Variants in FSTL1 observed in about 807,000 individuals in gnomAD.
FSTL1 encodes the protein follistatin like 1, also known as follistatin-related protein 1.
Under a neutral mutation model 45.9 loss-of-function variants are expected in FSTL1, and 24 were observed. That is an observed-to-expected ratio of 0.52 (90% CI 0.38 to 0.74). FSTL1 has a LOEUF of 0.74. Among genes scored for constraint, FSTL1 ranks in the 30% least tolerant of loss-of-function variants. The pLI is 0.00. For synonymous variants in FSTL1, 120 were observed against 137.6 expected, an observed-to-expected ratio of 0.87 and a Z score of 0.89; for missense variants, 340 against 381.8, an observed-to-expected ratio of 0.89 and a Z score of 0.91.
At chr3:120,402,984 G>A (rs1418535730) in intron 8 of FSTL1, 66 bp from the exon 9 acceptor site, 2 of 1,042,002 alleles carry the variant, frequency 1.9e-6, no homozygotes, top group South Asian at 2.5e-5. Flanking sequence ...CTTTGCTACA[G>A]TCTGTGCACC....
At chr3:120,438,015 G>A (rs1937588706) in intron 2 of FSTL1, among the ~76,000 whole-genome samples, 1 of 152,120 alleles carries the variant, frequency 6.6e-6, no homozygotes, top group Non-Finnish European at 1.5e-5. Flanking sequence ...TTGTTCAGGA[G>A]CCCCTGGATC....
intron 2 of FSTL1, among the ~76,000 whole-genome samples, chr3:120,416,698 T>A (rs1323955668): frequency 6.6e-6 from 1 of 152,204 alleles, no homozygotes; most frequent in African/African-American, 2.4e-5. Context: ...GTGGATTCGC[T>A]ATTTTTGCTA....
In FSTL1 at chr3:120,402,931, A is replaced by C. The variant is rs773003139; in HGVS notation, c.695-13T>G. 6.6e-7 allele frequency: 1 copy of C among 1,514,610 alleles called. No homozygotes were observed. The allele number at this position is 1,514,610 out of a possible 1,614,324, so 93.8% of individuals were successfully genotyped here. A position where few individuals can be genotyped will look rare whatever the true frequency, so the allele number is the denominator to read the frequency against. ...TCCAGGGCACACTCTGTTGGGCCAG[A>C]AATACGGGGCAACAGTTTAGCTGTG... On this transcript the variant is annotated splice_polypyrimidine_tract_variant and intron_variant, in intron 8 of 10. Coordinates refer to ENST00000295633, the MANE Select transcript of FSTL1 (RefSeq NM_007085.5).
intron 2 of FSTL1, among the ~76,000 whole-genome samples, chr3:120,436,014 G>A (rs538470434): frequency 5.5e-4 from 84 of 151,846 alleles, no homozygotes; most frequent in African/African-American, 2.0e-3. Flanking sequence ...ATCCTCAAGC[G>A]CTGGTTGTTT....
chr3:120,402,485 T>A (rs887001188), intron 9 of FSTL1, among the ~76,000 whole-genome samples: 1 of 152,136 alleles, frequency 6.6e-6, no homozygotes, highest in Non-Finnish European at 1.5e-5. Flanking sequence ...TTACTATTTT[T>A]AATTATTATT....
intron 3 of FSTL1, among the ~76,000 whole-genome samples, chr3:120,413,413 T>C (rs1488228452): frequency 6.6e-6 from 1 of 152,150 alleles, no homozygotes; most frequent in Admixed American, 6.5e-5. Context: ...CACATCTAGT[T>C]GTACAATTTT....
At chr3:120,427,382 T>G (rs928857732) in intron 2 of FSTL1, among the ~76,000 whole-genome samples, 2 of 152,248 alleles carry the variant, frequency 1.3e-5, no homozygotes, top group African/African-American at 4.8e-5. Flanking sequence ...ACAAAGATTC[T>G]GTTTGTCCAT....
Position 120,427,174 on chromosome 3 carries a change from CCCTGT to C in FSTL1, c.64-11152_64-11148del, listed in dbSNP as rs1702216251. On this transcript the variant is annotated intron_variant, in intron 2 of 10. Transcript: ENST00000295633. ...TTGTTGTCTGGCTTGCCCAAATTCTCCCTGTCCTTCAAGGCTTGGGTCAAGTTACA... is the reference window on the plus strand; with the variant it reads ...TTGTTGTCTGGCTTGCCCAAATTCTCCCTTCAAGGCTTGGGTCAAGTTACA... Among the ~76,000 whole-genome samples, 2 of 152,018 alleles carry C rather than the reference CCCTGT, an allele frequency of 1.3e-5. 1 individual carries two copies. The highest frequency in any genetic ancestry group is 1.3e-4 in the Admixed American group (2 of 15,286).
intron 9 of FSTL1, among the ~76,000 whole-genome samples, chr3:120,400,274 T>C (rs971397546): frequency 6.6e-6 from 1 of 152,198 alleles, no homozygotes; most frequent in African/African-American, 2.4e-5. Context: ...ACACTGGAGA[T>C]TTCTCTGAGA....
intron 2 of FSTL1, among the ~76,000 whole-genome samples, chr3:120,429,399 G>A (rs1486796199): frequency 1.3e-5 from 2 of 152,226 alleles, no homozygotes; most frequent in Non-Finnish European, 1.5e-5. Context: ...TCCAAATGGG[G>A]ACATTTGAGA....
intron 9 of FSTL1, among the ~76,000 whole-genome samples, chr3:120,400,721 G>T (rs544767030): frequency 2.6e-5 from 4 of 152,256 alleles, no homozygotes; most frequent in African/African-American, 9.6e-5. Flanking sequence ...CTTCTTGCTT[G>T]TCCCATTTTG....
intron 2 of FSTL1, among the ~76,000 whole-genome samples, chr3:120,425,044 G>A (rs1359439776): frequency 6.9e-6 from 1 of 144,808 alleles, no homozygotes; most frequent in Non-Finnish European, 1.6e-5. Context: ...AAAAGGGGGA[G>A]CACAGACAGC....
intron 2 of FSTL1, among the ~76,000 whole-genome samples, chr3:120,430,970 T>C (rs1195748942): frequency 1.3e-5 from 2 of 152,234 alleles, no homozygotes; most frequent in Non-Finnish European, 2.9e-5. Context: ...TAAAATTTTC[T>C]AGTAGGTACA....
Position 120,404,963 on chromosome 3 carries a change from A to G in FSTL1, c.471T>C (p.Asp157=). The G allele has an allele frequency of 6.4e-7, 1 of 1,559,188 alleles. No homozygotes were observed. ...TGGAGTCCAGGCGAGAATCACCATT[A>G]TCAAAGTTCTAGAAAGGGCATGACA... is the stretch of plus-strand genomic sequence containing the variant. ...EILDKYFKNF[D]NGDSRLDSSE... is the part of the protein sequence containing the mutation. Residue 157 remains aspartate (D), a synonymous_variant, in exon 7 of 11, where the codon GAT becomes GAC. Coordinates refer to ENST00000295633, the MANE Select transcript of FSTL1 (RefSeq NM_007085.5).
rs1936690439 is a variant in FSTL1, at chr3:120,395,963, A to T, written c.*989T>A. On this transcript the variant is annotated 3_prime_UTR_variant, in exon 11 of 11. Transcript: ENST00000295633. ...TCTCAGAATAAATAAAAACAAATTA[A>T]TGTTTGGATCTTGAAAGTTTTTTAT... 1 of 293,530 alleles carries T rather than the reference A, an allele frequency of 3.4e-6. No individual in the cohort carries two copies. The highest frequency in any genetic ancestry group is 4.9e-5 in the Admixed American group (1 of 20,280). The allele number at this position is 293,530 out of a possible 1,614,324, so 18.2% of individuals were successfully genotyped here.
intron 3 of FSTL1, among the ~76,000 whole-genome samples, chr3:120,412,825 C>CGT (rs1232025188): frequency 8.6e-5 from 5 of 58,124 alleles, no homozygotes; most frequent in Admixed American, 8.2e-4. Flanking sequence ...CATGTGCGCG[C>CGT]GCGCGCGCGC....
intron 3 of FSTL1, 42 bp downstream of exon 3, chr3:120,415,881 G>T: frequency 8.3e-7 from 1 of 1,207,652 alleles, no homozygotes; most frequent in Non-Finnish European, 1.2e-6. Context: ...GTACCACATT[G>T]GCCTTGGCCA....
At chr3:120,435,401 T>TC (rs1937532990) in intron 2 of FSTL1, among the ~76,000 whole-genome samples, 1 of 152,198 alleles carries the variant, frequency 6.6e-6, no homozygotes, top group Non-Finnish European at 1.5e-5. Context: ...CCACCTCCCT[T>TC]CTTCCAGTCT....
chr3:120,449,843 T>C (rs1377339103), intron 2 of FSTL1, among the ~76,000 whole-genome samples: 1 of 152,222 alleles, frequency 6.6e-6, no homozygotes, highest in Non-Finnish European at 1.5e-5. Flanking sequence ...ATTCCTTCCA[T>C]ATTTCCTGCC....
Sources: allele counts gnomAD v4.1 joint callset (sites outside exome capture counted in the v4.1 genomes callset), GRCh38; gene constraint gnomAD v4.1.1; transcripts MANE v1.5; gene names NCBI Gene and HGNC (gene_info 2026-07-23, HGNC 2026-07-21).